Variants in DPYSL2 observed in about 807,000 individuals in gnomAD.
DPYSL2 encodes dihydropyrimidinase like 2.
DPYSL2 carries 13 observed loss-of-function variants against 69.9 expected under a neutral mutation model. The ratio of observed to expected loss-of-function variants is 0.19; its 90% CI spans 0.12 to 0.30. The LOEUF is 0.30. Ranked by LOEUF, DPYSL2 falls within the 10% of genes least tolerant of loss-of-function variation. The pLI, the probability that DPYSL2 is intolerant of heterozygous loss-of-function variation, is 1.00. For missense variants in DPYSL2, 587 were observed against 918.9 expected (o/e 0.64, Z 4.67); for synonymous variants, 326 against 359.1 (o/e 0.91, Z 1.04).
At chr8:26,606,799 A>G (rs1185046436) in intron 3 of DPYSL2, among the ~76,000 whole-genome samples, 1 of 152,242 alleles carries the variant, frequency 6.6e-6, no homozygotes, top group Non-Finnish European at 1.5e-5. Context: ...TTTTATATAA[A>G]TAATACTTCA....
intron 3 of DPYSL2, among the ~76,000 whole-genome samples, chr8:26,589,919 AG>A (rs1801686644): frequency 6.6e-6 from 1 of 152,068 alleles, no homozygotes; most frequent in Non-Finnish European, 1.5e-5. Context: ...CTTCCTACTG[AG>A]CCTCCCCATG....
intron 1 of DPYSL2, chr8:26,578,007 C>CTCTT (rs1050605868): frequency 2.2e-6 from 3 of 1,377,754 alleles, no homozygotes; most frequent in Non-Finnish European, 2.8e-6. Context: ...CTCTCTCTCT[C>CTCTT]TCTCTCTCTC....
rs1802571892 is a variant in DPYSL2, at chr8:26,624,388, T to C, written c.793+81T>C. 1 of 1,524,578 alleles carries C rather than the reference T, an allele frequency of 6.6e-7. No homozygotes were observed. Among genetic ancestry groups the C allele is most frequent in the Non-Finnish European group, 8.9e-7 (1 of 1,120,740 alleles). 94.4% of individuals were successfully genotyped at this position (1,524,578 alleles called of 1,614,324 possible). A position where few individuals can be genotyped will look rare whatever the true frequency, so the allele number is the denominator to read the frequency against. On this transcript the variant is annotated intron_variant, in intron 4 of 13. Coordinates refer to ENST00000521913, the MANE Select transcript of DPYSL2 (RefSeq NM_001197293.3). The surrounding 1 kb of genome is among the most constrained non-coding windows in gnomAD (Gnocchi z 4.7). ...TGGCACAGCCCTGGGAAGAAAGTGA[T>C]AATGCTTCCAGATCCCATTTGTGCC...
In DPYSL2 at chr8:26,624,092, C is replaced by G. The variant is rs1182829670; in HGVS notation, c.629-51C>G. ...TCAAGTGGGAAAATACCTGCTGGCC[C>G]ACGGCCCTTGAGGCTCTTGGTGATG... is the stretch of plus-strand genomic sequence containing the variant. On this transcript the variant is annotated intron_variant, in intron 3 of 13. Coordinates refer to ENST00000521913, the MANE Select transcript of DPYSL2 (RefSeq NM_001197293.3). The surrounding 1 kb of genome is among the most constrained non-coding windows in gnomAD (Gnocchi z 4.7). 8 of 1,602,090 alleles carry G rather than the reference C, an allele frequency of 5.0e-6. No homozygotes were observed.
intron 1 of DPYSL2, among the ~76,000 whole-genome samples, chr8:26,544,154 C>T (rs571102104): frequency 9.9e-5 from 15 of 152,202 alleles, no homozygotes; most frequent in Non-Finnish European, 1.9e-4. Flanking sequence ...ACCTCTTTAA[C>T]ATCTAGAAGG....
At chr8:26,540,088 G>A (rs1393552785) in intron 1 of DPYSL2, among the ~76,000 whole-genome samples, 1 of 152,202 alleles carries the variant, frequency 6.6e-6, no homozygotes, top group Non-Finnish European at 1.5e-5. Flanking sequence ...AGCTTAGTGA[G>A]CTACAAGAGA....
rs780092683 is a variant in DPYSL2 at position 26,653,187 on chromosome 8, C to T, written c.1777-45C>T. ...CCAGGAGGGTTTCTAGAGAGGTATC[C>T]TCTGTGGCTGTGGCCTGAGCTGGGG... On this transcript the variant is annotated intron_variant, in intron 12 of 13. Coordinates refer to ENST00000521913, the MANE Select transcript of DPYSL2 (RefSeq NM_001197293.3). This position sits in a 1 kb window ranked among gnomAD's most constrained non-coding sequence, Gnocchi z 5.7. 5 of 1,598,674 alleles carry T rather than the reference C, an allele frequency of 3.1e-6. No individual in the cohort carries two copies. The Admixed American group carries it at 8.5e-5, about 27-fold the overall frequency.
rs1585528298 is a variant in DPYSL2, at chr8:26,588,890, T to A, written c.628+4907T>A. On this transcript the variant is annotated intron_variant, in intron 3 of 13. Coordinates refer to ENST00000521913, the MANE Select transcript of DPYSL2 (RefSeq NM_001197293.3). The surrounding 1 kb of genome is among the most constrained non-coding windows in gnomAD (Gnocchi z 5.4). ...ATGTCCTCGTGCTGCCTTGAGTTGC[T>A]TTCATCTCTGTGTTACCTCTTGCAC... Among the ~76,000 whole-genome samples the A allele has an allele frequency of 6.6e-6, 1 of 152,178 alleles. No homozygotes were observed. The highest frequency in any genetic ancestry group is 2.4e-5 in the African/African-American group (1 of 41,424).
intron 8 of DPYSL2, 104 bp downstream of exon 8, chr8:26,635,004 G>A: frequency 6.6e-7 from 1 of 1,505,250 alleles, no homozygotes; most frequent in Non-Finnish European, 8.9e-7. Context: ...ATGCCAAGTG[G>A]GCCACTTGCA....
chr8:26,639,166 C>T (rs1479569598), intron 8 of DPYSL2, among the ~76,000 whole-genome samples: 4 of 152,220 alleles, frequency 2.6e-5, no homozygotes, highest in African/African-American at 9.7e-5. Context: ...TGAGGACCAC[C>T]TCAGCTTGGG....
chr8:26,617,373 T>G lies in DPYSL2; in HGVS notation c.629-6770T>G, dbSNP rs982366046. On this transcript the variant is annotated intron_variant, in intron 3 of 13. Coordinates refer to ENST00000521913, the MANE Select transcript of DPYSL2 (RefSeq NM_001197293.3). This position sits in a 1 kb window ranked among gnomAD's most constrained non-coding sequence, Gnocchi z 4.7. ...TAGACAGTGTGGTGGCGCACGCCTG[T>G]GGTCCTAGCTATTTGGGAGGATGAG... Among the ~76,000 whole-genome samples the G allele has an allele frequency of 6.6e-5, 10 of 152,200 alleles. No individual in the cohort carries two copies. Among genetic ancestry groups the G allele is most frequent in the Admixed American group, 3.3e-4 (5 of 15,276 alleles).
In DPYSL2 at chr8:26,514,787, C is replaced by T. The variant is rs1808247535; in HGVS notation, c.354+108C>T. 4 of 1,000,250 alleles carry T rather than the reference C, an allele frequency of 4.0e-6. No homozygotes were observed. Among genetic ancestry groups the T allele is most frequent in the Non-Finnish European group, 5.4e-6 (4 of 739,798 alleles). 62.0% of individuals were successfully genotyped at this position (1,000,250 alleles called of 1,614,324 possible). On this transcript the variant is annotated intron_variant, in intron 1 of 13. Coordinates refer to ENST00000521913, the MANE Select transcript of DPYSL2 (RefSeq NM_001197293.3). This position sits in a 1 kb window ranked among gnomAD's most constrained non-coding sequence, Gnocchi z 8.4. ...CTTCATGCCCCGCCCTGGACCTCGC[C>T]TCCCGCATCTGCACGCGCACCCCGC...
chr8:26,531,098 T>G (rs2117611686), intron 1 of DPYSL2, among the ~76,000 whole-genome samples: 1 of 149,890 alleles, frequency 6.7e-6, no homozygotes, highest in Non-Finnish European at 1.5e-5. Flanking sequence ...GGAGCTCAGC[T>G]GCTATGACCT....
At chr8:26,547,923 TC>T in intron 1 of DPYSL2, 1 of 265,278 alleles carries the variant, frequency 3.8e-6, no homozygotes. Context: ...AGACCCTCTA[TC>T]CAAGGATGAT....
intron 10 of DPYSL2, among the ~76,000 whole-genome samples, chr8:26,646,868 AGC>A (rs1242310872): frequency 2.0e-5 from 3 of 152,054 alleles, no homozygotes; most frequent in Non-Finnish European, 4.4e-5. Context: ...CTGTCTTCCC[AGC>A]TACTCAAGAG....
intron 1 of DPYSL2, among the ~76,000 whole-genome samples, chr8:26,572,531 G>A (rs746880639): frequency 3.9e-5 from 6 of 152,058 alleles, no homozygotes; most frequent in Non-Finnish European, 5.9e-5. Context: ...AAGGAATCTC[G>A]CCCTTTCACC....
rs1298789240 is a variant in DPYSL2 at position 26,642,370 on chromosome 8, CT to C, written c.1127-1068del. Among the ~76,000 whole-genome samples, 1 of 152,150 alleles carries C rather than the reference CT, an allele frequency of 6.6e-6. No homozygotes were observed. Among genetic ancestry groups the C allele is most frequent in the Non-Finnish European group, 1.5e-5 (1 of 68,022 alleles). On this transcript the variant is annotated intron_variant, in intron 8 of 13. Coordinates refer to ENST00000521913, the MANE Select transcript of DPYSL2 (RefSeq NM_001197293.3). The surrounding 1 kb of genome is among the most constrained non-coding windows in gnomAD (Gnocchi z 5.3). ...ATCAGCTTCCAGTAGTGAAGAGCAT[CT>C]GATGCTTTGGTGAGGAGGATTTTCT...
chr8:26,548,107 T>C, intron 1 of DPYSL2: 1 of 222,460 alleles, frequency 4.5e-6, no homozygotes, highest in Non-Finnish European at 9.3e-6. Flanking sequence ...TATTTTGGGA[T>C]ATCACTCCGG....
At position 26,627,247 on chromosome 8, in the gene DPYSL2, T is replaced by C. The variant is rs775174676; in HGVS notation, c.888T>C (p.Ile296=). The change falls in exon 6 of 14, where the codon ATT becomes ATC. Residue 296 remains isoleucine, a synonymous_variant. Coordinates refer to ENST00000521913, the MANE Select transcript of DPYSL2 (RefSeq NM_001197293.3). This position sits in a 1 kb window ranked among gnomAD's most constrained non-coding sequence, Gnocchi z 6.9. ...AAGTACTGAGTGTGATCCGGGATAT[T>C]GGCGCCATAGCCCAAGTCCACGCAG... ...IYEVLSVIRD[I]GAIAQVHAEN... 6.2e-7 allele frequency: 1 copy of C among 1,614,212 alleles called. No individual in the cohort carries two copies. Among genetic ancestry groups the C allele is most frequent in the Non-Finnish European group, 8.5e-7 (1 of 1,180,040 alleles).
Sources: gnomAD v4.1 joint callset for allele counts (sites outside exome capture counted in the v4.1 genomes callset) on GRCh38, gnomAD v4.1.1 for gene constraint, Gnocchi (gnomAD v3.1) non-coding constraint, MANE v1.5 for transcripts, NCBI Gene and HGNC (gene_info 2026-07-23, HGNC 2026-07-21) for gene names.